ANKRD28: variants seen among roughly 807,000 people sequenced by gnomAD.
ANKRD28 encodes ankyrin repeat domain 28.
A neutral mutation model predicts 126.5 loss-of-function variants in ANKRD28; 44 were observed. The observed-to-expected ratio is 0.35, with a 90% CI of 0.27 to 0.45. ANKRD28 has a LOEUF of 0.45. Among genes scored for constraint, ANKRD28 ranks in the 20% least tolerant of loss-of-function variants. The pLI, the probability that ANKRD28 is intolerant of heterozygous loss-of-function variation, is 1.00. For synonymous variants in ANKRD28, 442 were observed against 468.5 expected, an observed-to-expected ratio of 0.94 and a Z score of 0.73; for missense variants, 1,110 against 1,316.6, an observed-to-expected ratio of 0.84 and a Z score of 2.43.
chr3:15,789,826 G>A (rs1304014825), intron 2 of ANKRD28, among the ~76,000 whole-genome samples: 2 of 151,210 alleles, frequency 1.3e-5, no homozygotes, highest in Non-Finnish European at 3.0e-5. Context: ...AATCTATTAG[G>A]GAAACAAAAA....
At chr3:15,675,836 T>C (rs1575088600) in intron 27 of ANKRD28, 62 bp downstream of exon 27, 1 of 1,347,048 alleles carries the variant, frequency 7.4e-7, no homozygotes, top group East Asian at 2.5e-5. Flanking sequence ...TTATTTCTCT[T>C]CAAATATGGA....
At chr3:15,734,874 C>G (rs2074913651) in intron 6 of ANKRD28, among the ~76,000 whole-genome samples, 1 of 151,818 alleles carries the variant, frequency 6.6e-6, no homozygotes, top group Admixed American at 6.6e-5. Context: ...GCCTATTATT[C>G]CCATGAGCTC....
At chr3:15,741,154 G>A (rs553063387) in intron 4 of ANKRD28, among the ~76,000 whole-genome samples, 15 of 152,048 alleles carry the variant, frequency 9.9e-5, no homozygotes, top group Non-Finnish European at 1.6e-4. Flanking sequence ...AGCCGAGATC[G>A]CGCCATTGCA....
At chr3:15,673,146 G>T (rs1407095682) in intron 27 of ANKRD28, among the ~76,000 whole-genome samples, 2 of 152,162 alleles carry the variant, frequency 1.3e-5, no homozygotes, top group East Asian at 3.8e-4. Flanking sequence ...TTATCCTTTG[G>T]ATTTTGGCTT....
chr3:15,801,249 AC>A (rs1287058005), upstream of ANKRD28, among the ~76,000 whole-genome samples: 1 of 152,116 alleles, frequency 6.6e-6, no homozygotes, highest in Non-Finnish European at 1.5e-5. This position sits in a 1 kb window ranked among gnomAD's most constrained non-coding sequence, Gnocchi z 4.9. Flanking sequence ...GCTGGCTTAA[AC>A]CTTTTTACTG....
intron 1 of ANKRD28, among the ~76,000 whole-genome samples, chr3:15,810,274 A>G (rs1467710532): frequency 6.8e-6 from 1 of 146,356 alleles, no homozygotes; most frequent in Non-Finnish European, 1.5e-5. Flanking sequence ...TCTCTGGGAG[A>G]AAAAAAAAAA....
intron 2 of ANKRD28, among the ~76,000 whole-genome samples, chr3:15,766,943 A>G (rs2058766998): frequency 6.6e-6 from 1 of 152,220 alleles, no homozygotes; most frequent in Non-Finnish European, 1.5e-5. Context: ...TAAACAAACC[A>G]AAAGATTTGC....
At chr3:15,835,730 C>G (rs2061312334) in intron 1 of ANKRD28, among the ~76,000 whole-genome samples, 1 of 152,200 alleles carries the variant, frequency 6.6e-6, no homozygotes, top group Non-Finnish European at 1.5e-5. Context: ...CACTTAAGAT[C>G]ATGAGGAATA....
intron 2 of ANKRD28, among the ~76,000 whole-genome samples, chr3:15,771,535 G>C (rs1280868485): frequency 6.6e-6 from 1 of 152,118 alleles, no homozygotes; most frequent in Non-Finnish European, 1.5e-5. Context: ...GATCAAGAGA[G>C]AGAAGAGGGG....
At chr3:15,745,790 T>C (rs1431985800) in intron 4 of ANKRD28, among the ~76,000 whole-genome samples, 3 of 152,208 alleles carry the variant, frequency 2.0e-5, no homozygotes, top group Non-Finnish European at 2.9e-5. Context: ...AATTTGTAGA[T>C]TGCTTTTGGC....
At chr3:15,708,813 T>C (rs2126036047) in intron 13 of ANKRD28, among the ~76,000 whole-genome samples, 1 of 152,300 alleles carries the variant, frequency 6.6e-6, no homozygotes, top group African/African-American at 2.4e-5. Flanking sequence ...CTACCATGCA[T>C]AATTCTTTTT....
chr3:15,685,949 G>C, intron 20 of ANKRD28, 53 bp downstream of exon 20: 1 of 1,359,658 alleles, frequency 7.4e-7, no homozygotes, highest in African/African-American at 1.4e-5. Context: ...TCAGTTCTAG[G>C]TAATATGAGG....
upstream of ANKRD28, chr3:15,798,268 G>T: frequency 1.6e-6 from 1 of 627,514 alleles, no homozygotes; most frequent in Non-Finnish European, 2.0e-6. Context: ...TATAATGACA[G>T]TTGCAGTAAG....
chr3:15,802,709 C>A (rs374815834), upstream of ANKRD28, among the ~76,000 whole-genome samples: 2 of 152,232 alleles, frequency 1.3e-5, no homozygotes, highest in East Asian at 3.9e-4. Flanking sequence ...GAAACAGTTA[C>A]CACAAATATT....
At chr3:15,808,792 C>T (rs2060643861) in intron 1 of ANKRD28, among the ~76,000 whole-genome samples, 1 of 152,166 alleles carries the variant, frequency 6.6e-6, no homozygotes, top group Non-Finnish European at 1.5e-5. Context: ...TTTCGACCCA[C>T]TGCAATCTAG....
At position 15,843,833 on chromosome 3, in the gene ANKRD28, G is replaced by C. The variant is rs565638666; in HGVS notation, c.27+15544C>G. Among the ~76,000 whole-genome samples the C allele has an allele frequency of 6.6e-6, 1 of 152,036 alleles. No individual in the cohort carries two copies. Among genetic ancestry groups the C allele is most frequent in the Non-Finnish European group, 1.5e-5 (1 of 67,986 alleles). Reference sequence around the variant, plus strand: ...ATAAAACAATTTACAATAAGCAAGGGTATCAATACGAAAGCAATGGGCAAG... The same window carrying C: ...ATAAAACAATTTACAATAAGCAAGGCTATCAATACGAAAGCAATGGGCAAG... On this transcript the variant is annotated intron_variant, in intron 1 of 27. Coordinates refer to the ANKRD28 transcript ENST00000399451. This position sits in a 1 kb window ranked among gnomAD's most constrained non-coding sequence, Gnocchi z 5.2.
At chr3:15,719,126 T>C (rs1278374200) in intron 8 of ANKRD28, among the ~76,000 whole-genome samples, 1 of 152,212 alleles carries the variant, frequency 6.6e-6, no homozygotes, top group Non-Finnish European at 1.5e-5. Flanking sequence ...GGGCACTTTG[T>C]GACATCTCAT....
rs28770229 is a variant in ANKRD28 at position 15,830,176 on chromosome 3, T to G, written c.27+29201A>C. 0.024 allele frequency among the ~76,000 whole-genome samples: 3,707 copies of G among 152,300 alleles called. 162 individuals carry two copies. Among genetic ancestry groups the G allele is most frequent in the African/African-American group, 0.082 (3,403 of 41,560 alleles). ...TTCCTAATACATCAGCAGTAAGTAC[T>G]ATTACTTTTGTACCATTAATGCGAA... On this transcript the variant is annotated intron_variant, in intron 1 of 27. Transcript: ENST00000399451. The surrounding 1 kb of genome is among the most constrained non-coding windows in gnomAD (Gnocchi z 4.5).
At chr3:15,734,552 GTGAGT>G (rs2074884073) in intron 6 of ANKRD28, among the ~76,000 whole-genome samples, 1 of 152,164 alleles carries the variant, frequency 6.6e-6, no homozygotes, top group Admixed American at 6.5e-5. Flanking sequence ...TGGCTGCAAA[GTGAGT>G]TCTTTCAGCT....
Sources: allele counts gnomAD v4.1 joint callset (sites outside exome capture counted in the v4.1 genomes callset), GRCh38; gene constraint gnomAD v4.1.1; non-coding constraint Gnocchi (gnomAD v3.1); transcripts MANE v1.5; gene names NCBI Gene and HGNC (gene_info 2026-07-23, HGNC 2026-07-21).